The following AMMECR1 variants were observed in gnomAD, a reference collection of about 807,000 sequenced individuals.
The protein encoded by AMMECR1 is AMMECR nuclear protein 1.
In AMMECR1, 3 loss-of-function variants were observed where a neutral mutation model predicts 22.5. The ratio of observed to expected loss-of-function variants is 0.13; its 90% CI spans 0.06 to 0.35. AMMECR1 has a LOEUF of 0.35. AMMECR1 is among the 10% of genes least tolerant of loss of function. AMMECR1 has a pLI of 1.00. For synonymous variants in AMMECR1, 130 were observed against 116.7 expected (o/e 1.11, Z -0.74); for missense variants, 235 against 278.7 (o/e 0.84, Z 1.12).
chrX:110,396,514 CTT>C (rs1344275659), intron 2 of AMMECR1, among the ~76,000 whole-genome samples: 1 of 112,335 alleles, frequency 8.9e-6, no homozygotes, highest in Non-Finnish European at 1.9e-5. Flanking sequence ...CTCCATTCTA[CTT>C]TCTTTCCCAG....
At chrX:110,369,840 G>T (rs985473893) in intron 2 of AMMECR1, among the ~76,000 whole-genome samples, 1 of 111,211 alleles carries the variant, frequency 9.0e-6, no homozygotes, top group African/African-American at 3.3e-5. Flanking sequence ...TATCAGTATG[G>T]CTACTGTATT....
At chrX:110,235,101 T>C (rs1403041544) in intron 2 of AMMECR1, among the ~76,000 whole-genome samples, 1 of 112,000 alleles carries the variant, frequency 8.9e-6, no homozygotes, top group Non-Finnish European at 1.9e-5. Flanking sequence ...GGCTAATTAA[T>C]ATCCAGAATC....
intron 3 of AMMECR1, among the ~76,000 whole-genome samples, chrX:110,210,819 C>A (rs1351370781): frequency 8.9e-6 from 1 of 111,948 alleles, no homozygotes; most frequent in African/African-American, 3.2e-5. Context: ...CAACGAGGCT[C>A]AAATACAATG....
intron 2 of AMMECR1, among the ~76,000 whole-genome samples, chrX:110,356,645 A>G (rs908675283): frequency 9.0e-6 from 1 of 111,588 alleles, no homozygotes; most frequent in African/African-American, 3.3e-5. Flanking sequence ...CACATAGATC[A>G]AAACATCACA....
chrX:110,393,686 T>A (rs1205351566), intron 2 of AMMECR1, among the ~76,000 whole-genome samples: 3 of 112,169 alleles, frequency 2.7e-5, no homozygotes, highest in Non-Finnish European at 5.6e-5. Context: ...ATACAGCAGG[T>A]CCTTGAATAA....
chrX:110,317,846 A>G lies in AMMECR1; in HGVS notation c.226T>C (p.Cys76Arg). ...SGCTLSPPQG[C>R]GGGGGGIALS... ...GCGATCCCCCCGCCGCCGCCGCCGC[A>G]GCCCTGGGGGGGAGAGAGGGTACAG... is the stretch of plus-strand genomic sequence containing the variant. Residue 76 changes from cysteine (C) to arginine (R), a missense_variant, in exon 1 of 6, where the codon TGC (cysteine) becomes CGC (arginine). By Grantham distance (180) the Cys-to-Arg change is radical (BLOSUM62 -3). This residue lies in a region of AMMECR1 where 124 missense variants were observed against 97.0 expected (regional missense o/e 1.28). Transcript: ENST00000262844. 1 of 1,170,298 alleles carries G rather than the reference A, an allele frequency of 8.5e-7. No individual in the cohort carries two copies. The highest frequency in any genetic ancestry group is 1.1e-6 in the Non-Finnish European group (1 of 874,793).
At chrX:110,221,464 G>T (rs2067499467) in intron 2 of AMMECR1, among the ~76,000 whole-genome samples, 1 of 111,688 alleles carries the variant, frequency 9.0e-6, no homozygotes, top group African/African-American at 3.3e-5. Flanking sequence ...AGGGTAGAGA[G>T]GAAGAACAAA....
intron 2 of AMMECR1, among the ~76,000 whole-genome samples, chrX:110,220,200 G>C (rs2067493713): frequency 8.9e-6 from 1 of 112,038 alleles, no homozygotes; most frequent in South Asian, 3.7e-4. Context: ...GAGATTTTCT[G>C]ACTCAAGTCC....
chrX:110,294,563 T>G (rs1456738774), intron 1 of AMMECR1, among the ~76,000 whole-genome samples: 1 of 111,688 alleles, frequency 9.0e-6, no homozygotes, highest in East Asian at 2.8e-4. Flanking sequence ...TAGCAGATGG[T>G]TCAAGATGCG....
At chrX:110,282,759 A>G (rs2067859077) in intron 1 of AMMECR1, among the ~76,000 whole-genome samples, 1 of 111,816 alleles carries the variant, frequency 8.9e-6, no homozygotes, top group Non-Finnish European at 1.9e-5. Flanking sequence ...GCCTTGCTCA[A>G]TCAAGTGTTT....
intron 2 of AMMECR1, among the ~76,000 whole-genome samples, chrX:110,392,253 G>T (rs1283599779): frequency 1.9e-5 from 2 of 106,945 alleles, no homozygotes; most frequent in Non-Finnish European, 3.8e-5. Flanking sequence ...AGATTTAAAT[G>T]CTCAAATTTC....
At position 110,210,869 on chromosome X, in the gene AMMECR1, G is replaced by A. The variant is rs755510778; in HGVS notation, c.699+5649C>T. Among the ~76,000 whole-genome samples the A allele has an allele frequency of 2.7e-5, 3 of 111,487 alleles. No individual in the cohort carries two copies. In the East Asian group the frequency reaches 8.5e-4, roughly 32 times the overall value. On this transcript the variant is annotated intron_variant, in intron 3 of 5. Transcript: ENST00000262844. ...ACTTTAGGGACAGAGTGAGATCAGG[G>A]GCCTGAGGTATAGCTTTATAGTCCA...
At chrX:110,319,026 C>A (rs1264262268), upstream of AMMECR1, among the ~76,000 whole-genome samples, 3 of 111,926 alleles carry the variant, frequency 2.7e-5, no homozygotes, top group African/African-American at 9.8e-5. Flanking sequence ...GTGCTCAGAT[C>A]TTAGAGATAA....
At position 110,375,537 on chromosome X, in the gene AMMECR1, GATGAATGA is replaced by G. The variant is rs72153865; in HGVS notation, c.-148+51113_-148+51120del. 4.6e-5 allele frequency among the ~76,000 whole-genome samples: 5 copies of G among 109,423 alleles called. No homozygotes were observed. The East Asian group carries it at 1.1e-3, about 25-fold the overall frequency. The stretch of plus-strand genomic sequence containing the variant: ...GGGCTCAGTAAATATTGGATGAATA[GATGAATGA>G]ATGAATGAATGAATGAATCAATCAA... On this transcript the variant is annotated intron_variant, in intron 2 of 7. Coordinates refer to the AMMECR1 transcript ENST00000372057.
intron 3 of AMMECR1, among the ~76,000 whole-genome samples, chrX:110,205,655 A>G (rs2067418645): frequency 8.9e-6 from 1 of 111,861 alleles, no homozygotes; most frequent in Non-Finnish European, 1.9e-5. Flanking sequence ...CAAACTGGAA[A>G]CTTGCAAATC....
At chrX:110,410,213 T>G (rs1292648314) in intron 2 of AMMECR1, among the ~76,000 whole-genome samples, 1 of 111,355 alleles carries the variant, frequency 9.0e-6, no homozygotes, top group African/African-American at 3.3e-5. Flanking sequence ...TCCCCTGTAT[T>G]GGTGGTGGGA....
chrX:110,211,790 G>A (rs905600255), intron 3 of AMMECR1, among the ~76,000 whole-genome samples: 12 of 111,603 alleles, frequency 1.1e-4, no homozygotes, highest in African/African-American at 3.9e-4. Flanking sequence ...AGGACAATAA[G>A]TACATCATGA....
intron 2 of AMMECR1, among the ~76,000 whole-genome samples, chrX:110,254,843 A>G (rs1430959571): frequency 1.8e-5 from 2 of 111,731 alleles, no homozygotes; most frequent in Non-Finnish European, 3.8e-5. Flanking sequence ...CCTCATCCAC[A>G]CCTCCAATAA....
intron 5 of AMMECR1, among the ~76,000 whole-genome samples, chrX:110,200,002 C>G (rs905645823): frequency 2.7e-5 from 3 of 111,569 alleles, no homozygotes; most frequent in African/African-American, 9.8e-5. Flanking sequence ...AAAAGACCAG[C>G]CCAATCAGAC....
Sources: gnomAD v4.1 joint callset for allele counts (sites outside exome capture counted in the v4.1 genomes callset) on GRCh38, gnomAD v4.1.1 for gene constraint, gnomAD v4.1.1 regional missense constraint, MANE v1.5 for transcripts, NCBI Gene and HGNC (gene_info 2026-07-23, HGNC 2026-07-21) for gene names.